Variants in SGMS1 observed in about 807,000 individuals in gnomAD.
The protein encoded by SGMS1 is sphingomyelin synthase 1.
A neutral mutation model predicts 46.2 loss-of-function variants in SGMS1; 13 were observed. The observed-to-expected ratio is 0.28, with a 90% confidence interval of 0.18 to 0.45. SGMS1 has a LOEUF of 0.45. SGMS1 is among the 20% of genes least tolerant of loss of function. The pLI is 1.00. For synonymous variants in SGMS1, 203 were observed against 187.8 expected (o/e 1.08, Z -0.66); for missense variants, 324 against 519.9 (o/e 0.62, Z 3.66).
chr10:50,539,805 A>G (rs535091539), intron 2 of SGMS1, among the ~76,000 whole-genome samples: 1 of 152,350 alleles, frequency 6.6e-6, no homozygotes, highest in Non-Finnish European at 1.5e-5. Flanking sequence ...ATAAACATTA[A>G]GTAAAAGTCC....
intron 3 of SGMS1, among the ~76,000 whole-genome samples, chr10:50,472,089 T>C (rs1333873478): frequency 6.6e-6 from 1 of 152,178 alleles, no homozygotes; most frequent in Non-Finnish European, 1.5e-5. Flanking sequence ...TTAATTTTCT[T>C]TTTATTTGAC....
intron 6 of SGMS1, among the ~76,000 whole-genome samples, chr10:50,344,738 G>A (rs1847888050): frequency 6.6e-6 from 1 of 151,952 alleles, no homozygotes; most frequent in Non-Finnish European, 1.5e-5. Flanking sequence ...GTGTGGTGGC[G>A]GGCGCCTGTA....
intron 5 of SGMS1, among the ~76,000 whole-genome samples, chr10:50,455,059 G>T (rs1461173754): frequency 6.6e-6 from 1 of 152,050 alleles, no homozygotes; most frequent in Non-Finnish European, 1.5e-5. Flanking sequence ...AAATGATCTT[G>T]TTTGTTTGCC....
At chr10:50,480,779 G>A (rs531326985) in intron 3 of SGMS1, among the ~76,000 whole-genome samples, 10 of 152,260 alleles carry the variant, frequency 6.6e-5, no homozygotes, top group African/African-American at 1.9e-4. Context: ...GTCGGGGGGC[G>A]GGGGCAGCCA....
chr10:50,623,013 C>T (rs1838869388), intron 1 of SGMS1, among the ~76,000 whole-genome samples: 2 of 152,222 alleles, frequency 1.3e-5, no homozygotes, highest in South Asian at 2.1e-4. Context: ...CCCTCCAGGC[C>T]TTGCCCCTAA....
chr10:50,547,426 T>C (rs1439499353), intron 2 of SGMS1, among the ~76,000 whole-genome samples: 2 of 152,088 alleles, frequency 1.3e-5, no homozygotes, highest in Non-Finnish European at 2.9e-5. Context: ...TCTGTGCATA[T>C]AAACTAGAAA....
chr10:50,409,212 A>G (rs1244607386), intron 6 of SGMS1, among the ~76,000 whole-genome samples: 1 of 152,232 alleles, frequency 6.6e-6, no homozygotes, highest in Non-Finnish European at 1.5e-5. Flanking sequence ...TGAGATATCC[A>G]TGACCTCCAG....
At chr10:50,432,933 AT>A (rs1301679105) in intron 6 of SGMS1, among the ~76,000 whole-genome samples, 1 of 152,186 alleles carries the variant, frequency 6.6e-6, no homozygotes, top group African/African-American at 2.4e-5. Context: ...TGAAACCAAA[AT>A]CAACCATATG....
At chr10:50,495,924 G>T (rs111803849) in intron 3 of SGMS1, among the ~76,000 whole-genome samples, 1 of 152,162 alleles carries the variant, frequency 6.6e-6, no homozygotes, top group East Asian at 1.9e-4. Context: ...TTTCACTTTC[G>T]GCATCCTTCT....
chr10:50,398,346 T>G (rs1848878184), intron 6 of SGMS1, among the ~76,000 whole-genome samples: 1 of 152,176 alleles, frequency 6.6e-6, no homozygotes, highest in Non-Finnish European at 1.5e-5. Context: ...TTTTGAAATA[T>G]TAAATAATGA....
At chr10:50,341,359 G>A (rs1847818509) in intron 7 of SGMS1, 1 of 455,956 alleles carries the variant, frequency 2.2e-6, no homozygotes, top group South Asian at 1.5e-5. Flanking sequence ...GGAAACCAGC[G>A]ATGGACCCCA....
At chr10:50,432,178 C>T (rs544082025) in intron 6 of SGMS1, among the ~76,000 whole-genome samples, 1 of 152,066 alleles carries the variant, frequency 6.6e-6, no homozygotes, top group African/African-American at 2.4e-5. Context: ...TTATACCAGG[C>T]CACTAGAACC....
chr10:50,369,121 C>A (rs571139612), intron 6 of SGMS1, among the ~76,000 whole-genome samples: 64 of 152,178 alleles, frequency 4.2e-4, no homozygotes, highest in African/African-American at 1.5e-3. Context: ...CAACAGGGGA[C>A]AGAATATTTA....
In SGMS1 at chr10:50,490,161, T is replaced by A. The variant is rs1459395381; in HGVS notation, c.-497-23229A>T. 9.2e-5 allele frequency among the ~76,000 whole-genome samples: 14 copies of A among 152,168 alleles called. No individual in the cohort carries two copies. The East Asian group carries it at 2.7e-3, about 29-fold the overall frequency. On this transcript the variant is annotated intron_variant, in intron 3 of 10. Transcript: ENST00000361781. ...ATCTCTGGGTCTTAGAGAAAGTGAG[T>A]TTTAATCTACTAAACAGGGAGTTGG...
chr10:50,564,714 T>C (rs1781179666), intron 2 of SGMS1, among the ~76,000 whole-genome samples: 2 of 152,344 alleles, frequency 1.3e-5, no homozygotes, highest in African/African-American at 4.8e-5. Flanking sequence ...CAAAATGCCA[T>C]AGGGCAGCAG....
chr10:50,540,316 A>G (rs1008263829), intron 2 of SGMS1, among the ~76,000 whole-genome samples: 1 of 152,138 alleles, frequency 6.6e-6, no homozygotes, highest in African/African-American at 2.4e-5. Flanking sequence ...TAATAAATAG[A>G]CTGGCTCGTC....
At chr10:50,524,671 T>C (rs1338488732) in intron 2 of SGMS1, among the ~76,000 whole-genome samples, 2 of 152,184 alleles carry the variant, frequency 1.3e-5, no homozygotes, top group East Asian at 3.8e-4. Context: ...CATTTACAGA[T>C]GAGCAAACAT....
At chr10:50,512,333 A>G (rs1267374487) in intron 3 of SGMS1, among the ~76,000 whole-genome samples, 1 of 152,122 alleles carries the variant, frequency 6.6e-6, no homozygotes, top group Non-Finnish European at 1.5e-5. Context: ...AGCAGAAAGG[A>G]GAGAGAGAAA....
At chr10:50,565,778 G>A (rs1305712153) in intron 2 of SGMS1, among the ~76,000 whole-genome samples, 1 of 152,176 alleles carries the variant, frequency 6.6e-6, no homozygotes, top group African/African-American at 2.4e-5. Context: ...AGGTTAGGGG[G>A]CAACCTCATC....
Sources: allele counts gnomAD v4.1 joint callset (sites outside exome capture counted in the v4.1 genomes callset), GRCh38; gene constraint gnomAD v4.1.1; transcripts MANE v1.5; gene names NCBI Gene and HGNC (gene_info 2026-07-23, HGNC 2026-07-21).